The following ABI3BP variants were observed in gnomAD, a reference collection of about 807,000 sequenced individuals.
ABI3BP encodes the protein ABI family member 3 binding protein.
Under a neutral mutation model 268.6 loss-of-function variants are expected in ABI3BP, and 216 were observed. The ratio of observed to expected loss-of-function variants is 0.80; its 90% CI spans 0.72 to 0.90. The LOEUF (loss-of-function observed/expected upper bound fraction) is 0.90. ABI3BP is among the 40% of genes least tolerant of loss of function. The pLI, the probability that ABI3BP is intolerant of heterozygous loss-of-function variation, is 0.00. For missense variants in ABI3BP, 2,090 were observed against 2,182.4 expected, an observed-to-expected ratio of 0.96 and a Z score of 0.84; for synonymous variants, 730 against 730.0, an observed-to-expected ratio of 1.00 and a Z score of 0.00.
chr3:100,841,618 G>GT (rs1285062677), intron 21 of ABI3BP, among the ~76,000 whole-genome samples: 8 of 152,156 alleles, frequency 5.3e-5, no homozygotes, highest in Admixed American at 6.5e-5. Flanking sequence ...GCTGGGCACA[G>GT]TGGTTCACAC....
At chr3:100,920,427 A>AT (rs1250106716) in intron 2 of ABI3BP, among the ~76,000 whole-genome samples, 7 of 151,800 alleles carry the variant, frequency 4.6e-5, no homozygotes, top group South Asian at 2.1e-4. Context: ...TTTTTTTTAA[A>AT]TTTTTTATTT....
At chr3:100,825,480 A>T (rs1315229033) in intron 35 of ABI3BP, among the ~76,000 whole-genome samples, 1 of 152,162 alleles carries the variant, frequency 6.6e-6, no homozygotes, top group African/African-American at 2.4e-5. Flanking sequence ...TTTGTTTTAA[A>T]CTCAATGTTA....
rs1019227416 is a variant in ABI3BP at position 100,753,948 on chromosome 3, C to G, written c.4931-100G>C. 70 of 1,227,214 alleles carry G rather than the reference C, an allele frequency of 5.7e-5. 1 individual carries two copies. The South Asian group carries it at 8.6e-4, about 15-fold the overall frequency. The allele number at this position is 1,227,214 out of a possible 1,614,324, so 76.0% of individuals were successfully genotyped here. A position where few individuals can be genotyped will look rare whatever the true frequency, so the allele number is the denominator to read the frequency against. Reference sequence around the variant, plus strand: ...TGGGGGCTTACACTTGTTAAGAAGTCTTATTTGCAAAATGGTACTCTTTTG... The same window carrying G: ...TGGGGGCTTACACTTGTTAAGAAGTGTTATTTGCAAAATGGTACTCTTTTG... On this transcript the variant is annotated intron_variant, in intron 64 of 67. Coordinates refer to ENST00000471714, the MANE Select transcript of ABI3BP (RefSeq NM_001375547.2).
At chr3:100,832,383 C>G in intron 30 of ABI3BP, 33 bp from the exon 31 acceptor site, 1 of 1,518,882 alleles carries the variant, frequency 6.6e-7, no homozygotes, top group East Asian at 2.5e-5. Context: ...TAATATGGTG[C>G]TGATGGCTCC....
chr3:100,811,875 T>A, intron 46 of ABI3BP, 76 bp from the exon 47 acceptor site: 2 of 1,063,326 alleles, frequency 1.9e-6, no homozygotes, highest in Non-Finnish European at 2.8e-6. Flanking sequence ...GCATTTAATT[T>A]AAAAATAGAA....
intron 1 of ABI3BP, among the ~76,000 whole-genome samples, chr3:100,935,216 A>G (rs2065527729): frequency 6.6e-6 from 1 of 152,048 alleles, no homozygotes; most frequent in Admixed American, 6.6e-5. Flanking sequence ...TTTTCCCAAT[A>G]CCATTTATTA....
chr3:100,809,102 A>G (rs777904299), intron 49 of ABI3BP, among the ~76,000 whole-genome samples: 4 of 152,072 alleles, frequency 2.6e-5, no homozygotes, highest in Non-Finnish European at 4.4e-5. Context: ...AATACAAGGT[A>G]TACAATGGTT....
At chr3:100,922,997 C>T (rs1328598591) in intron 2 of ABI3BP, among the ~76,000 whole-genome samples, 1 of 152,064 alleles carries the variant, frequency 6.6e-6, no homozygotes, top group Non-Finnish European at 1.5e-5. Context: ...AAAGCAGAAG[C>T]ACACAAATCT....
intron 6 of ABI3BP, among the ~76,000 whole-genome samples, chr3:100,877,524 A>G (rs1473724323): frequency 1.3e-5 from 2 of 152,192 alleles, no homozygotes; most frequent in Non-Finnish European, 2.9e-5. Context: ...CAGAAGTCCC[A>G]CAGGAGGTTC....
chr3:100,768,249 C>T (rs1273874815), intron 62 of ABI3BP, among the ~76,000 whole-genome samples: 3 of 152,010 alleles, frequency 2.0e-5, no homozygotes, highest in African/African-American at 4.8e-5. Context: ...CCACCACACC[C>T]GGCTAATTTT....
Position 100,925,799 on chromosome 3 carries a change from A to T in ABI3BP, c.259+503T>A, listed in dbSNP as rs2061626504. Among the ~76,000 whole-genome samples, 3 of 152,140 alleles carry T rather than the reference A, an allele frequency of 2.0e-5. No individual in the cohort carries two copies. In the South Asian group the frequency reaches 6.2e-4, roughly 31 times the overall value. ...AAAGTGACCCACATCCTCAATTTAC[A>T]TTTTAACATAATTTAAAACATTTTT... On this transcript the variant is annotated intron_variant, in intron 2 of 67. Transcript: ENST00000471714.
intron 1 of ABI3BP, among the ~76,000 whole-genome samples, chr3:100,977,059 A>C (rs1462876019): frequency 2.0e-5 from 3 of 152,168 alleles, no homozygotes; most frequent in Non-Finnish European, 4.4e-5. Flanking sequence ...ATTTATGCTC[A>C]GTTTTTTTGT....
chr3:100,863,849 A>G, intron 12 of ABI3BP, 153 bp downstream of exon 12: 1 of 601,944 alleles, frequency 1.7e-6, no homozygotes, highest in Non-Finnish European at 2.9e-6. Flanking sequence ...ACAATTTGTC[A>G]TAGGGAGAGC....
intron 1 of ABI3BP, among the ~76,000 whole-genome samples, chr3:100,953,192 A>G (rs1231315815): frequency 6.6e-6 from 1 of 152,192 alleles, no homozygotes; most frequent in Non-Finnish European, 1.5e-5. Context: ...AAGACCAGCC[A>G]GTCTTCCATT....
chr3:100,872,543 T>C (rs1024238395), intron 9 of ABI3BP, among the ~76,000 whole-genome samples: 3 of 152,232 alleles, frequency 2.0e-5, no homozygotes, highest in Non-Finnish European at 4.4e-5. Flanking sequence ...AACACTGCTT[T>C]CTGCAGTTTT....
chr3:100,955,428 T>C (rs149376966), intron 1 of ABI3BP, among the ~76,000 whole-genome samples: 110 of 152,340 alleles, frequency 7.2e-4, no homozygotes, highest in African/African-American at 2.5e-3. Flanking sequence ...GTAAATGATA[T>C]TGGATGATTT....
chr3:100,775,442 G>A (rs1293304857), intron 59 of ABI3BP, 107 bp from the exon 60 acceptor site: 23 of 1,435,346 alleles, frequency 1.6e-5, no homozygotes, highest in Non-Finnish European at 1.9e-5. Flanking sequence ...ATGTGGCTTG[G>A]CACTATAGAC....
chr3:100,964,823 T>C (rs1169555756), intron 1 of ABI3BP, among the ~76,000 whole-genome samples: 1 of 152,220 alleles, frequency 6.6e-6, no homozygotes, highest in African/African-American at 2.4e-5. Context: ...CTCCTATTTC[T>C]AATTTCTGCA....
At chr3:100,844,231 G>A (rs75190523) in intron 20 of ABI3BP, 2 of 985,292 alleles carry the variant, frequency 2.0e-6, no homozygotes, top group African/African-American at 3.5e-5. Context: ...TTCTATCCAC[G>A]TTGGAAGACG....
Sources: gnomAD v4.1 joint callset for allele counts (sites outside exome capture counted in the v4.1 genomes callset) on GRCh38, gnomAD v4.1.1 for gene constraint, MANE v1.5 for transcripts, NCBI Gene and HGNC (gene_info 2026-07-23, HGNC 2026-07-21) for gene names.